Variants in PIWIL1 observed in about 807,000 individuals in gnomAD.
PIWIL1 encodes piwi like RNA-mediated gene silencing 1.
A neutral mutation model predicts 114.4 loss-of-function variants in PIWIL1; 73 were observed. The ratio of observed to expected loss-of-function variants is 0.64; its 90% CI spans 0.53 to 0.78. The LOEUF (loss-of-function observed/expected upper bound fraction) is 0.78. Among genes scored for constraint, PIWIL1 ranks in the 30% least tolerant of loss-of-function variants. The pLI is 0.00. For synonymous variants in PIWIL1, 375 were observed against 369.0 expected (o/e 1.02, Z -0.19); for missense variants, 723 against 1,063.1 (o/e 0.68, Z 4.45).
chr12:130,362,831 T>A lies in PIWIL1; in HGVS notation c.2036T>A (p.Leu679Gln). Reference protein sequence around the residue: ...QELVDGLKVCLQAALRAWNSC... With the variant: ...QELVDGLKVCQQAALRAWNSC... ...CTGGTAGATGGGCTCAAAGTCTGCC[T>A]GCAAGGTTAGTCACCTGTGGGGTTG... is the stretch of plus-strand genomic sequence containing the variant. Residue 679 changes from leucine to glutamine, a missense_variant, in exon 17 of 21, where the codon CTG (leucine) becomes CAG (glutamine). Physicochemically the swap from Leu to Gln is moderately radical, Grantham distance 113. Transcript: ENST00000245255. 1 of 1,613,972 alleles carries A rather than the reference T, an allele frequency of 6.2e-7. No homozygotes were observed. The highest frequency in any genetic ancestry group is 8.5e-7 in the Non-Finnish European group (1 of 1,179,890).
chr12:130,414,203 G>A, the PIWIL1 span: 1 of 1,614,230 alleles, frequency 6.2e-7, no homozygotes, highest in South Asian at 1.1e-5. Flanking sequence ...GCGGGTCGTA[G>A]TCAAAGAGAG....
chr12:130,422,564 A>G, the PIWIL1 span: 21 of 1,597,464 alleles, frequency 1.3e-5, no homozygotes, highest in Non-Finnish European at 1.8e-5. The surrounding 1 kb of genome is among the most constrained non-coding windows in gnomAD (Gnocchi z 5.2). Context: ...CCTAAAATCT[A>G]AAGACAAAAC....
chr12:130,354,917 A>AAAAT lies in PIWIL1; in HGVS notation c.1202_1203insAATA (p.Asn401LysfsTer21). On this transcript the variant is annotated frameshift_variant, in exon 11 of 21. Transcript: ENST00000245255. LOFTEE classifies it high-confidence loss of function. ...AACTGATAAAATGCGTAATGATTTT[A>AAAAT]ACGTGATGAAAGACTTAGCCGTTCA... 6.2e-7 allele frequency: 1 copy of AAAAT among 1,613,552 alleles called. No individual in the cohort carries two copies. The highest frequency in any genetic ancestry group is 8.5e-7 in the Non-Finnish European group (1 of 1,179,466).
At chr12:130,351,185 A>G (rs2136147026) in intron 9 of PIWIL1, 1 of 152,318 alleles carries the variant, frequency 6.6e-6, no homozygotes. Flanking sequence ...AACAGCAAAT[A>G]TAAAGGAAAC....
At chr12:130,357,196 A>C in intron 13 of PIWIL1, 91 bp downstream of exon 13, 2 of 1,058,892 alleles carry the variant, frequency 1.9e-6, no homozygotes, top group Non-Finnish European at 2.7e-6. Flanking sequence ...ACGTTATCTT[A>C]ATTGAAAGGT....
intron 18 of PIWIL1, among the ~76,000 whole-genome samples, chr12:130,364,465 C>T (rs563386420): frequency 6.6e-6 from 1 of 152,284 alleles, no homozygotes; most frequent in South Asian, 2.1e-4. Context: ...TTATCCCAGA[C>T]GTTTCTTAAA....
the PIWIL1 span, among the ~76,000 whole-genome samples, chr12:130,404,238 ATAAC>A: frequency 1.3e-5 from 2 of 152,218 alleles, no homozygotes; most frequent in African/African-American, 4.8e-5. Flanking sequence ...TGTTTTCTAA[ATAAC>A]AGTGGAATAT....
At chr12:130,405,950 T>C in the PIWIL1 span, among the ~76,000 whole-genome samples, 1 of 152,202 alleles carries the variant, frequency 6.6e-6, no homozygotes, top group African/African-American at 2.4e-5. Context: ...TTGAAAACAC[T>C]AGTATTAGCA....
the PIWIL1 span, chr12:130,412,753 C>T: frequency 2.4e-5 from 39 of 1,613,786 alleles, no homozygotes; most frequent in Middle Eastern, 1.6e-4. Context: ...GGTTTCCCCA[C>T]GGTAGAATCC....
At chr12:130,416,815 G>A in the PIWIL1 span, among the ~76,000 whole-genome samples, 1,227 of 152,228 alleles carry the variant, frequency 8.1e-3, 17 homozygotes, top group African/African-American at 0.028. Context: ...TGCAAATTGT[G>A]CATCTGACAA....
In PIWIL1 at chr12:130,338,160, C is replaced by T. The variant is rs2072762455; in HGVS notation, c.-13+14C>T. 1.6e-5 allele frequency: 5 copies of T among 309,748 alleles called. No homozygotes were observed. The highest frequency in any genetic ancestry group is 7.3e-5 in the South Asian group (3 of 41,360). The allele number at this position is 309,748 out of a possible 1,614,324, so 19.2% of individuals were successfully genotyped here. ...CAGCGGTCCAAGGTGCGGGGCCAGGCTGAGGTGCTAGGTGTGCGGGGGCCG... is the reference window on the plus strand; with the variant it reads ...CAGCGGTCCAAGGTGCGGGGCCAGGTTGAGGTGCTAGGTGTGCGGGGGCCG... On this transcript the variant is annotated intron_variant, in intron 1 of 20. Transcript: ENST00000245255.
intron 7 of PIWIL1, 101 bp from the exon 8 acceptor site, chr12:130,349,138 T>C: frequency 5.4e-6 from 4 of 734,516 alleles, no homozygotes; most frequent in Non-Finnish European, 9.2e-6. Context: ...TCAGAAACTT[T>C]ATAGTTTAGA....
the PIWIL1 span, among the ~76,000 whole-genome samples, chr12:130,390,966 T>C: frequency 6.6e-5 from 10 of 152,156 alleles, no homozygotes; most frequent in Admixed American, 5.2e-4. Flanking sequence ...CTTCCCCACA[T>C]AGTTCTCTGT....
intron 14 of PIWIL1, among the ~76,000 whole-genome samples, chr12:130,359,285 C>T (rs2073448200): frequency 6.6e-6 from 1 of 152,220 alleles, no homozygotes; most frequent in South Asian, 2.1e-4. Context: ...CCTTTGCATT[C>T]AGTCTTTGTC....
chr12:130,350,759 A>G (rs898687939), intron 9 of PIWIL1, among the ~76,000 whole-genome samples: 2 of 152,210 alleles, frequency 1.3e-5, no homozygotes, highest in Non-Finnish European at 2.9e-5. Flanking sequence ...ATTTTCTTCT[A>G]CTTTCAATAG....
At position 130,363,101 on chromosome 12, in the gene PIWIL1, CCA is replaced by C; in HGVS notation, c.2155_2156del (p.Gln719ValfsTer10). ...QLKTLVNYEV[P>X]QFLDCLKSIG... is the part of the protein sequence containing the mutation. ...GAAAACACTGGTGAACTACGAAGTGCCACAGTTTTTGGATTGTCTAAAATCCA... is the reference window on the plus strand; with the variant it reads ...GAAAACACTGGTGAACTACGAAGTGCCAGTTTTTGGATTGTCTAAAATCCA... On this transcript the variant is annotated frameshift_variant, in exon 18 of 21. Coordinates refer to ENST00000245255, the MANE Select transcript of PIWIL1 (RefSeq NM_004764.5). LOFTEE classifies it high-confidence loss of function. 1.2e-6 allele frequency: 2 copies of C among 1,614,218 alleles called. No individual in the cohort carries two copies. The highest frequency in any genetic ancestry group is 1.7e-6 in the Non-Finnish European group (2 of 1,180,014).
chr12:130,343,312 A>T (rs1371034919), intron 3 of PIWIL1, among the ~76,000 whole-genome samples: 1 of 152,168 alleles, frequency 6.6e-6, no homozygotes, highest in Admixed American at 6.5e-5. Flanking sequence ...TAAATGACTT[A>T]AAAAAATGGT....
chr12:130,400,576 G>A, the PIWIL1 span, among the ~76,000 whole-genome samples: 1 of 152,062 alleles, frequency 6.6e-6, no homozygotes, highest in Non-Finnish European at 1.5e-5. Context: ...TTCAAAATTG[G>A]CTGGCTCTGG....
At position 130,349,777 on chromosome 12, in the gene PIWIL1, A is replaced by G. The variant is rs985592010; in HGVS notation, c.933-79A>G. On this transcript the variant is annotated intron_variant, in intron 8 of 20. Coordinates refer to ENST00000245255, the MANE Select transcript of PIWIL1 (RefSeq NM_004764.5). ...CAGGTGATTTGAAATTTTAGAGAAT[A>G]CATGCTGTCTAGTCTCTCTTTTTAA... 3.7e-5 allele frequency: 30 copies of G among 818,022 alleles called. 1 individual carries two copies. In the African/African-American group the frequency reaches 4.6e-4, roughly 13 times the overall value. The allele number at this position is 818,022 out of a possible 1,614,324, so 50.7% of individuals were successfully genotyped here. A position where few individuals can be genotyped will look rare whatever the true frequency, so the allele number is the denominator to read the frequency against.
Sources: allele counts gnomAD v4.1 joint callset (sites outside exome capture counted in the v4.1 genomes callset), GRCh38; gene constraint gnomAD v4.1.1; non-coding constraint Gnocchi (gnomAD v3.1); transcripts MANE v1.5; gene names NCBI Gene and HGNC (gene_info 2026-07-23, HGNC 2026-07-21).